The following KANK1 variants were observed in gnomAD, a reference collection of about 807,000 sequenced individuals.
KANK1 encodes the protein KN motif and ankyrin repeat domains 1.
Under a neutral mutation model 106.2 loss-of-function variants are expected in KANK1, and 109 were observed. The ratio of observed to expected loss-of-function variants is 1.03; its 90% CI spans 0.88 to 1.20. The LOEUF (loss-of-function observed/expected upper bound fraction) is 1.20. Ranked by LOEUF, KANK1 falls within the 50% of genes most tolerant of loss-of-function variation. The pLI is 0.00. For synonymous variants in KANK1, 873 were observed against 652.2 expected (o/e 1.34, Z -5.16); for missense variants, 2,399 against 1,710.7 (o/e 1.40, Z -7.10).
chr9:504,442 C>T (rs1186040134), upstream of KANK1, among the ~76,000 whole-genome samples: 1 of 151,604 alleles, frequency 6.6e-6, no homozygotes, highest in African/African-American at 2.4e-5. Flanking sequence ...GCGGCCGGCT[C>T]CGCGGTACAA....
At chr9:713,517 T>C in intron 3 of KANK1, 53 bp downstream of exon 3, 1 of 1,503,968 alleles carries the variant, frequency 6.6e-7, no homozygotes, top group Non-Finnish European at 8.9e-7. Context: ...GAAAATGTCT[T>C]TCCAGAAGCT....
chr9:487,069 A>G (rs1164816316), intron 3 of KANK1, among the ~76,000 whole-genome samples: 1 of 152,224 alleles, frequency 6.6e-6, no homozygotes, highest in East Asian at 1.9e-4. Context: ...TGTAGAAGAA[A>G]GATATGCTGA....
At chr9:695,323 A>C (rs1419984190) in intron 2 of KANK1, among the ~76,000 whole-genome samples, 1 of 152,058 alleles carries the variant, frequency 6.6e-6, no homozygotes, top group African/African-American at 2.4e-5. Flanking sequence ...TCATGTTGTG[A>C]GATGGAGATA....
chr9:648,577 C>G (rs1419860856), intron 1 of KANK1, among the ~76,000 whole-genome samples: 1 of 152,134 alleles, frequency 6.6e-6, no homozygotes, highest in Non-Finnish European at 1.5e-5. Context: ...ATTAAAATGA[C>G]ATCATCATCG....
At chr9:668,275 A>C (rs1845117291) in intron 1 of KANK1, among the ~76,000 whole-genome samples, 2 of 152,076 alleles carry the variant, frequency 1.3e-5, no homozygotes, top group Admixed American at 1.3e-4. Context: ...TTTCTTTGTT[A>C]ATTTTCTGTC....
At position 712,604 on chromosome 9, in the gene KANK1, T is replaced by A; in HGVS notation, c.1838T>A (p.Leu613His). The part of the protein sequence containing the change: ...GSNTEESVND[L>H]TLLKTNLNLK... The stretch of plus-strand genomic sequence containing the variant: ...AACACAGAGGAGTCTGTGAACGACC[T>A]CACACTCCTCAAGACAAACTTGAAT... Residue 613 changes from leucine to histidine, a missense_variant, in exon 3 of 12, where the codon CTC becomes CAC. Leu to His is a moderately conservative substitution (Grantham distance 99). Transcript: ENST00000382297. 6.2e-7 allele frequency: 1 copy of A among 1,614,110 alleles called. No homozygotes were observed. The highest frequency in any genetic ancestry group is 1.1e-5 in the South Asian group (1 of 91,066).
chr9:511,452 C>T (rs1401565128), intron 1 of KANK1, among the ~76,000 whole-genome samples: 1 of 152,142 alleles, frequency 6.6e-6, no homozygotes, highest in East Asian at 1.9e-4. Flanking sequence ...ACCTTTGGCA[C>T]AGTTACTAAA....
chr9:633,319 G>A (rs757723867), intron 1 of KANK1, among the ~76,000 whole-genome samples: 6 of 151,966 alleles, frequency 3.9e-5, no homozygotes, highest in Non-Finnish European at 7.4e-5. Flanking sequence ...TTAGCCGGGC[G>A]TGGTGGCGGG....
In KANK1 at chr9:704,076, CTT is replaced by C. The variant is rs775396628; in HGVS notation, c.38-6725_38-6724del. The stretch of plus-strand genomic sequence containing the variant: ...TAATAATTTAAGTTTTATTGTAACA[CTT>C]TTCCAGTTAATAATTTAGCGTCTTT... On this transcript the variant is annotated intron_variant, in intron 2 of 11. Transcript: ENST00000382297. Among the ~76,000 whole-genome samples, 5 of 152,286 alleles carry C rather than the reference CTT, an allele frequency of 3.3e-5. No homozygotes were observed. In the East Asian group the frequency reaches 9.6e-4, roughly 29 times the overall value.
At chr9:670,970 T>TGC (rs1442705534) in intron 1 of KANK1, among the ~76,000 whole-genome samples, 3 of 147,220 alleles carry the variant, frequency 2.0e-5, no homozygotes, top group African/African-American at 7.4e-5. Flanking sequence ...TTTTTTTTTT[T>TGC]TTTTTTTTAC....
intron 1 of KANK1, among the ~76,000 whole-genome samples, chr9:584,705 G>C (rs999933738): frequency 1.3e-5 from 2 of 152,184 alleles, no homozygotes; most frequent in African/African-American, 4.8e-5. Flanking sequence ...GATGGTGCTG[G>C]AAGAGAAAAG....
chr9:551,235 A>T (rs536095379), intron 1 of KANK1, among the ~76,000 whole-genome samples: 1 of 151,576 alleles, frequency 6.6e-6, no homozygotes, highest in Non-Finnish European at 1.5e-5. Context: ...AAGGGCAAGC[A>T]GAAGACACAC....
chr9:657,470 C>T (rs372117558), intron 1 of KANK1, among the ~76,000 whole-genome samples: 2 of 152,238 alleles, frequency 1.3e-5, no homozygotes, highest in East Asian at 3.9e-4. Flanking sequence ...GTAGCAGCTG[C>T]ACCATTTTAC....
intron 2 of KANK1, among the ~76,000 whole-genome samples, chr9:696,392 G>A (rs1372374286): frequency 2.0e-5 from 3 of 152,166 alleles, no homozygotes. Context: ...GCGTATATAG[G>A]CAAAGTGACT....
chr9:485,271 A>C (rs1043753613), intron 3 of KANK1, among the ~76,000 whole-genome samples: 8 of 152,212 alleles, frequency 5.3e-5, no homozygotes, highest in East Asian at 1.9e-4. Flanking sequence ...AACCCCTCAG[A>C]GTCAGAGTGA....
chr9:741,081 T>C lies in KANK1; in HGVS notation c.3696+147T>C, dbSNP rs1303153032. On this transcript the variant is annotated intron_variant, in intron 9 of 11. Transcript: ENST00000382297. ...GCCTGCCCTGAGTCCATACACTGCC[T>C]GGCACTCCTTGCTGACCAAACATAC... 9.4e-5 allele frequency: 76 copies of C among 806,122 alleles called. No homozygotes were observed. In the South Asian group the frequency reaches 1.1e-3, roughly 11 times the overall value. 49.9% of individuals were successfully genotyped at this position (806,122 alleles called of 1,614,324 possible).
intron 1 of KANK1, among the ~76,000 whole-genome samples, chr9:586,825 A>G (rs911261479): frequency 6.6e-6 from 1 of 152,154 alleles, no homozygotes. Flanking sequence ...GACTCTTTGC[A>G]TGATATCTTA....
rs1024533310 is a variant in KANK1 at position 692,410 on chromosome 9, G to C, written c.37+15401G>C. On this transcript the variant is annotated intron_variant, in intron 2 of 11. Coordinates refer to ENST00000382297, the MANE Select transcript of KANK1 (RefSeq NM_015158.5). ...TAACAAACTAAAAACAAAGTTTCAA[G>C]TGCCAGGTATTTTGAAATAGCAGAT... is the stretch of plus-strand genomic sequence containing the variant. 1.3e-4 allele frequency among the ~76,000 whole-genome samples: 19 copies of C among 151,616 alleles called. 1 individual carries two copies. The highest frequency in any genetic ancestry group is 4.4e-4 in the African/African-American group (18 of 41,346).
chr9:676,082 C>T (rs1588825210), intron 1 of KANK1, among the ~76,000 whole-genome samples: 1 of 152,146 alleles, frequency 6.6e-6, no homozygotes, highest in Non-Finnish European at 1.5e-5. Context: ...TCATCTCCAT[C>T]TTGGTTTTGG....
Sources: gnomAD v4.1 joint callset for allele counts (sites outside exome capture counted in the v4.1 genomes callset) on GRCh38, gnomAD v4.1.1 for gene constraint, MANE v1.5 for transcripts, NCBI Gene and HGNC (gene_info 2026-07-23, HGNC 2026-07-21) for gene names.